MTMR2: variants seen among roughly 807,000 people sequenced by gnomAD.
MTMR2 encodes the protein myotubularin related protein 2, also known as phosphatidylinositol-3,5-bisphosphate 3-phosphatase MTMR2.
In MTMR2, 55 loss-of-function variants were observed where a neutral mutation model predicts 86.9. The observed-to-expected ratio is 0.63, with a 90% CI of 0.51 to 0.79. The LOEUF is 0.79. MTMR2 is among the 30% of genes least tolerant of loss of function. The probability of loss-of-function intolerance (pLI) is 0.00; values close to 1 mark genes in which losing one functional copy is unlikely to be tolerated. For missense variants in MTMR2, 659 were observed against 772.3 expected (o/e 0.85, Z 1.74); for synonymous variants, 241 against 266.8 (o/e 0.90, Z 0.94).
rs1437329649 is a variant in MTMR2 at position 95,916,394 on chromosome 11, G to GACATGTGACA, written c.80+7480_80+7481insTGTCACATGT. Reference sequence around the variant, plus strand: ...AAAATGACATGTGACTGCCAAAAAAGTATCCTTCAAAGAGAGAGAGTATGC... The same window carrying GACATGTGACA: ...AAAATGACATGTGACTGCCAAAAAAGACATGTGACATATCCTTCAAAGAGAGAGAGTATGC... On this transcript the variant is annotated intron_variant, in intron 1 of 14. Transcript: ENST00000346299. 1.0e-3 allele frequency among the ~76,000 whole-genome samples: 159 copies of GACATGTGACA among 152,228 alleles called. 1 individual carries two copies. Among genetic ancestry groups the GACATGTGACA allele is most frequent in the African/African-American group, 3.7e-3 (153 of 41,538 alleles).
At chr11:95,839,455 ATCT>A (rs1369932611) in intron 12 of MTMR2, among the ~76,000 whole-genome samples, 1 of 152,162 alleles carries the variant, frequency 6.6e-6, no homozygotes, top group South Asian at 2.1e-4. Context: ...TTAGTTTTTC[ATCT>A]TCTTGGCAAA....
In MTMR2 at chr11:95,872,449, T is replaced by C. The variant is rs571461743; in HGVS notation, c.187-6773A>G. ...TGGTGTATAAGAATGCTTGTGATTT[T>C]TGCATATTGATTTTGTATCCTGAGA... On this transcript the variant is annotated intron_variant, in intron 2 of 14. Transcript: ENST00000346299. 2.0e-5 allele frequency among the ~76,000 whole-genome samples: 3 copies of C among 152,334 alleles called. No homozygotes were observed. In the South Asian group the frequency reaches 6.2e-4, roughly 32 times the overall value.
chr11:95,905,669 T>C (rs1411723578), intron 1 of MTMR2, among the ~76,000 whole-genome samples: 2 of 152,170 alleles, frequency 1.3e-5, no homozygotes, highest in East Asian at 1.9e-4. Context: ...AATTTATGTT[T>C]TCTAGTTTGG....
intron 13 of MTMR2, among the ~76,000 whole-genome samples, chr11:95,836,892 T>C (rs551833017): frequency 6.6e-6 from 1 of 152,056 alleles, no homozygotes; most frequent in South Asian, 2.1e-4. Flanking sequence ...TTTTCTGAGG[T>C]GATGAAATGT....
intron 1 of MTMR2, among the ~76,000 whole-genome samples, chr11:95,896,487 A>G (rs1865885940): frequency 6.6e-6 from 1 of 151,812 alleles, no homozygotes; most frequent in Non-Finnish European, 1.5e-5. Context: ...GTCTTGATTA[A>G]TGACTACGCT....
chr11:95,913,944 T>C (rs1375173918), intron 1 of MTMR2, among the ~76,000 whole-genome samples: 1 of 152,170 alleles, frequency 6.6e-6, no homozygotes, highest in Non-Finnish European at 1.5e-5. Flanking sequence ...TGAATTCTTG[T>C]CATCCTCTTC....
intron 2 of MTMR2, among the ~76,000 whole-genome samples, chr11:95,869,873 C>T (rs1332080903): frequency 6.6e-6 from 1 of 152,024 alleles, no homozygotes; most frequent in Admixed American, 6.6e-5. Flanking sequence ...AACTTCAAAA[C>T]AGTTGTTGCT....
intron 2 of MTMR2, among the ~76,000 whole-genome samples, chr11:95,875,230 C>T (rs371937639): frequency 1.3e-5 from 2 of 152,106 alleles, no homozygotes; most frequent in Non-Finnish European, 2.9e-5. Flanking sequence ...CTTTCAGGTA[C>T]ACCAATCAGA....
At chr11:95,849,527 C>G (rs1042280677) in intron 9 of MTMR2, 147 bp downstream of exon 9, 15 of 750,324 alleles carry the variant, frequency 2.0e-5, no homozygotes, top group Middle Eastern at 3.7e-4. Flanking sequence ...ATAACTAACT[C>G]AAAATCACAC....
At chr11:95,836,034 A>C in intron 14 of MTMR2, 114 bp downstream of exon 14, 2 of 1,040,556 alleles carry the variant, frequency 1.9e-6, no homozygotes, top group South Asian at 2.5e-5. Context: ...TTAACTATCA[A>C]TGGGTAAGGA....
At chr11:95,860,939 C>T (rs1333195745) in intron 5 of MTMR2, among the ~76,000 whole-genome samples, 2 of 151,986 alleles carry the variant, frequency 1.3e-5, no homozygotes, top group African/African-American at 2.4e-5. Flanking sequence ...GGGCAGATCA[C>T]GAGGTCAGGA....
intron 10 of MTMR2, among the ~76,000 whole-genome samples, chr11:95,846,761 T>C (rs1168410147): frequency 1.3e-5 from 2 of 152,220 alleles, no homozygotes; most frequent in African/African-American, 4.8e-5. Flanking sequence ...AGCCTAAGGC[T>C]GTATATTTAC....
At chr11:95,885,261 T>G (rs555556) in intron 2 of MTMR2, among the ~76,000 whole-genome samples, 86,792 of 151,870 alleles carry the variant, frequency 0.57, 26,755 homozygotes, top group African/African-American at 0.81. Context: ...GATTGTACAT[T>G]TGCAAAATGA....
chr11:95,848,367 C>T (rs1006703635), intron 9 of MTMR2, among the ~76,000 whole-genome samples: 10 of 152,228 alleles, frequency 6.6e-5, no homozygotes, highest in African/African-American at 1.9e-4. Flanking sequence ...GAGAAATAAA[C>T]TCTTTGCAAT....
At chr11:95,896,697 T>C (rs1428317170) in intron 1 of MTMR2, among the ~76,000 whole-genome samples, 1 of 151,832 alleles carries the variant, frequency 6.6e-6, no homozygotes, top group Non-Finnish European at 1.5e-5. Flanking sequence ...ACATGCAAGA[T>C]AAAACAAAAA....
At chr11:95,851,664 G>T (rs533484353) in intron 7 of MTMR2, among the ~76,000 whole-genome samples, 2 of 152,326 alleles carry the variant, frequency 1.3e-5, no homozygotes, top group Non-Finnish European at 2.9e-5. Flanking sequence ...GATTGACTTT[G>T]TTGCCATTCA....
At position 95,882,720 on chromosome 11, in the gene MTMR2, GTGT is replaced by G. The variant is rs1487663930; in HGVS notation, c.186+5433_186+5435del. Among the ~76,000 whole-genome samples the G allele has an allele frequency of 2.7e-5, 4 of 147,642 alleles. No individual in the cohort carries two copies. The East Asian group carries it at 7.9e-4, about 29-fold the overall frequency. ...AAGACATAAAAGACATAATTATTTTGTGTTGTTTTTTTTTTTTTTTGAGACAGA... is the reference window on the plus strand; with the variant it reads ...AAGACATAAAAGACATAATTATTTTGTGTTTTTTTTTTTTTTTGAGACAGA... On this transcript the variant is annotated intron_variant, in intron 2 of 14. Transcript: ENST00000346299.
At chr11:95,881,833 C>G (rs868753943) in intron 2 of MTMR2, among the ~76,000 whole-genome samples, 1 of 152,034 alleles carries the variant, frequency 6.6e-6, no homozygotes, top group Non-Finnish European at 1.5e-5. Context: ...ATTTTACTGG[C>G]TAGGGTTTCC....
chr11:95,874,990 T>G (rs1865049466), intron 2 of MTMR2, among the ~76,000 whole-genome samples: 1 of 152,132 alleles, frequency 6.6e-6, no homozygotes, highest in Non-Finnish European at 1.5e-5. Context: ...GGCTTCCCTT[T>G]GTGGATAACC....
Sources: gnomAD v4.1 joint callset for allele counts (sites outside exome capture counted in the v4.1 genomes callset) on GRCh38, gnomAD v4.1.1 for gene constraint, MANE v1.5 for transcripts, NCBI Gene and HGNC (gene_info 2026-07-23, HGNC 2026-07-21) for gene names.